The following PPP2R2B variants were observed in gnomAD, a reference collection of about 807,000 sequenced individuals.
PPP2R2B encodes serine/threonine-protein phosphatase 2A 55 kDa regulatory subunit B beta isoform.
Under a neutral mutation model 46.0 loss-of-function variants are expected in PPP2R2B, and 5 were observed. The observed-to-expected ratio is 0.11, with a 90% CI of 0.06 to 0.23. PPP2R2B has a LOEUF of 0.23. PPP2R2B is among the 10% of genes least tolerant of loss of function. PPP2R2B has a pLI of 1.00. For missense variants in PPP2R2B, 367 were observed against 575.0 expected (o/e 0.64, Z 3.70); for synonymous variants, 215 against 206.7 (o/e 1.04, Z -0.34).
At chr5:146,677,218 G>A (rs572986793) in intron 5 of PPP2R2B, among the ~76,000 whole-genome samples, 4 of 152,116 alleles carry the variant, frequency 2.6e-5, no homozygotes, top group Admixed American at 6.5e-5. Flanking sequence ...CAGAGTTTTC[G>A]CTTTGTATCT....
chr5:146,622,594 T>C (rs1019407468), intron 7 of PPP2R2B, among the ~76,000 whole-genome samples: 14 of 152,196 alleles, frequency 9.2e-5, no homozygotes, highest in African/African-American at 1.4e-4. Context: ...AGCCACCTAG[T>C]GGCTGGAAGT....
At chr5:146,996,607 G>T (rs1027180499) in intron 1 of PPP2R2B, among the ~76,000 whole-genome samples, 9 of 152,124 alleles carry the variant, frequency 5.9e-5, no homozygotes, top group African/African-American at 2.2e-4. Context: ...AGTAGGGCCA[G>T]AAAAATGAGT....
At chr5:146,706,177 G>A (rs1779834324) in intron 2 of PPP2R2B, among the ~76,000 whole-genome samples, 1 of 152,112 alleles carries the variant, frequency 6.6e-6, no homozygotes, top group Admixed American at 6.5e-5. Flanking sequence ...GCCGTAGGAG[G>A]GGCAGGCTGG....
intron 1 of PPP2R2B, among the ~76,000 whole-genome samples, chr5:147,008,174 T>A (rs937982676): frequency 1.3e-5 from 2 of 152,038 alleles, no homozygotes; most frequent in Non-Finnish European, 2.9e-5. Context: ...ATTCATTGGA[T>A]CTTGAGAGGG....
At chr5:146,886,282 T>C (rs1212192266) in intron 1 of PPP2R2B, among the ~76,000 whole-genome samples, 2 of 151,684 alleles carry the variant, frequency 1.3e-5, no homozygotes, top group Non-Finnish European at 2.9e-5. Context: ...GAGCTTGCAG[T>C]GAGCCGAGAC....
intron 2 of PPP2R2B, among the ~76,000 whole-genome samples, chr5:146,875,908 A>G (rs1164231282): frequency 2.0e-5 from 3 of 152,222 alleles, no homozygotes; most frequent in Non-Finnish European, 2.9e-5. Flanking sequence ...TGGCAACAAA[A>G]TTGCATGAAT....
In PPP2R2B at chr5:146,701,131, A is replaced by G; in HGVS notation, c.82T>C (p.Ser28Pro). Reference sequence around the variant, plus strand: ...CCCGTGTGGTTGAATTCTACCGTAGAGATAATGTCAGCTGCAAAGAAGAAG... The same window carrying G: ...CCCGTGTGGTTGAATTCTACCGTAGGGATAATGTCAGCTGCAAAGAAGAAG... ...HSYATEADII[S>P]TVEFNHTGEL... Residue 28 changes from serine (S) to proline (P), a missense_variant, in exon 3 of 10, where the codon TCT (serine) becomes CCT (proline). Physicochemically the swap from Ser to Pro is moderately conservative, Grantham distance 74. Transcript: ENST00000394411. 6.2e-7 allele frequency: 1 copy of G among 1,613,388 alleles called. No individual in the cohort carries two copies. The highest frequency in any genetic ancestry group is 8.5e-7 in the Non-Finnish European group (1 of 1,179,296).
intron 2 of PPP2R2B, among the ~76,000 whole-genome samples, chr5:146,871,652 T>A (rs1402163942): frequency 6.6e-6 from 1 of 152,064 alleles, no homozygotes; most frequent in Non-Finnish European, 1.5e-5. Context: ...ATCAAGTAAA[T>A]CCAGCAGCAC....
At chr5:146,649,999 GTATAC>G (rs1220112283) in intron 6 of PPP2R2B, among the ~76,000 whole-genome samples, 3 of 152,100 alleles carry the variant, frequency 2.0e-5, no homozygotes, top group African/African-American at 4.8e-5. Flanking sequence ...ATTATAATAT[GTATAC>G]TATACATTTC....
intron 2 of PPP2R2B, among the ~76,000 whole-genome samples, chr5:146,760,798 T>C (rs1265353836): frequency 1.3e-5 from 2 of 152,104 alleles, no homozygotes; most frequent in Non-Finnish European, 2.9e-5. Context: ...CTGTTGAAGT[T>C]TACCAGGGGT....
At chr5:146,698,267 G>C in intron 3 of PPP2R2B, 123 bp from the exon 4 acceptor site, 2 of 395,042 alleles carry the variant, frequency 5.1e-6, no homozygotes, top group Non-Finnish European at 8.2e-6. Flanking sequence ...ATGAGGATGA[G>C]GGCAGGGCCA....
At chr5:146,886,872 G>A (rs956779539) in intron 1 of PPP2R2B, among the ~76,000 whole-genome samples, 7 of 150,486 alleles carry the variant, frequency 4.7e-5, no homozygotes, top group African/African-American at 1.5e-4. Flanking sequence ...ATACTTTATA[G>A]GATGAAACTT....
At chr5:146,962,244 C>T (rs1752203321) in intron 1 of PPP2R2B, among the ~76,000 whole-genome samples, 2 of 150,912 alleles carry the variant, frequency 1.3e-5, no homozygotes, top group Non-Finnish European at 2.9e-5. Context: ...ATCATGCCAA[C>T]TCTTCCCATT....
chr5:146,965,369 G>A (rs927488841), intron 1 of PPP2R2B, among the ~76,000 whole-genome samples: 18 of 152,218 alleles, frequency 1.2e-4, no homozygotes, highest in Non-Finnish European at 1.9e-4. Flanking sequence ...TGTTCAGAAC[G>A]TTGAGGTTTT....
intron 8 of PPP2R2B, 39 bp downstream of exon 8, chr5:146,600,252 G>A (rs1344981108): frequency 1.3e-6 from 2 of 1,591,920 alleles, no homozygotes; most frequent in African/African-American, 2.7e-5. Context: ...CTCATGAAGG[G>A]AATGTTCAAT....
At chr5:146,848,327 T>C (rs1760131508) in intron 2 of PPP2R2B, among the ~76,000 whole-genome samples, 1 of 152,158 alleles carries the variant, frequency 6.6e-6, no homozygotes, top group African/African-American at 2.4e-5. Context: ...TTAACCAAAG[T>C]CCATAGTTCA....
intron 7 of PPP2R2B, among the ~76,000 whole-genome samples, chr5:146,630,339 A>C (rs1314355331): frequency 3.3e-5 from 5 of 152,204 alleles, no homozygotes; most frequent in Non-Finnish European, 7.3e-5. Flanking sequence ...ATCATGTCTG[A>C]AATGACCTCG....
intron 1 of PPP2R2B, among the ~76,000 whole-genome samples, chr5:147,041,943 A>T (rs1756329306): frequency 6.6e-6 from 1 of 151,712 alleles, no homozygotes; most frequent in South Asian, 2.1e-4. Flanking sequence ...AGCCAGACAG[A>T]CTCCATCTTG....
chr5:146,741,873 A>G (rs1752896499), intron 2 of PPP2R2B, among the ~76,000 whole-genome samples: 1 of 152,226 alleles, frequency 6.6e-6, no homozygotes. Flanking sequence ...ACAGATCGAT[A>G]TTAGCCTAGT....
Sources: gnomAD v4.1 joint callset for allele counts (sites outside exome capture counted in the v4.1 genomes callset) on GRCh38, gnomAD v4.1.1 for gene constraint, MANE v1.5 for transcripts, NCBI Gene and HGNC (gene_info 2026-07-23, HGNC 2026-07-21) for gene names.